KDM2B: variants seen among roughly 807,000 people sequenced by gnomAD.
KDM2B encodes the protein lysine-specific demethylase 2B.
In KDM2B, 26 loss-of-function variants were observed where a neutral mutation model predicts 150.0. The ratio of observed to expected loss-of-function variants is 0.17; its 90% CI spans 0.13 to 0.24. The LOEUF (loss-of-function observed/expected upper bound fraction) is 0.24. Ranked by LOEUF, KDM2B falls within the 10% of genes least tolerant of loss-of-function variation. The pLI is 1.00. For synonymous variants in KDM2B, 734 were observed against 729.5 expected (o/e 1.01, Z -0.10); for missense variants, 1,265 against 1,816.9 (o/e 0.70, Z 5.52).
intron 4 of KDM2B, among the ~76,000 whole-genome samples, chr12:121,571,449 T>C (rs1285757825): frequency 7.0e-6 from 1 of 142,952 alleles, no homozygotes; most frequent in Non-Finnish European, 1.5e-5. Flanking sequence ...CCACCACACG[T>C]GGTGAATTTT....
In KDM2B at chr12:121,442,191, C is replaced by T. The variant is rs782259702; in HGVS notation, c.3250G>A (p.Val1084Met). 9.9e-6 allele frequency: 16 copies of T among 1,613,712 alleles called. No individual in the cohort carries two copies. Among genetic ancestry groups the T allele is most frequent in the Admixed American group, 1.7e-5 (1 of 60,036 alleles). The change falls in exon 19 of 23, where the codon GTG (valine) becomes ATG (methionine). Residue 1084 changes from valine to methionine, a missense_variant. Transcript: ENST00000377071. This position sits in a 1 kb window ranked among gnomAD's most constrained non-coding sequence, Gnocchi z 7.7. ...FSYLSHQDLC[V>M]CMRVCRTWNR... ...CAGGTCCTGCAGACCCGCATGCACA[C>T]ACACAGGTCTTGGTGGCTGAGGTAG...
At chr12:121,422,743 T>C in the KDM2B span, among the ~76,000 whole-genome samples, 8 of 152,330 alleles carry the variant, frequency 5.3e-5, no homozygotes, top group East Asian at 1.5e-3. Flanking sequence ...TTTTAACTTA[T>C]TCATCGTCTT....
chr12:121,580,179 G>A (rs551319111), intron 1 of KDM2B: 8 of 1,518,152 alleles, frequency 5.3e-6, no homozygotes, highest in Non-Finnish European at 7.0e-6. Flanking sequence ...CCAGAGCCGA[G>A]ATCTACAAAG....
chr12:121,520,845 G>A lies in KDM2B; in HGVS notation c.1047+140C>T. The A allele has an allele frequency of 2.6e-6, 1 of 389,526 alleles. No individual in the cohort carries two copies. Among genetic ancestry groups the A allele is most frequent in the East Asian group, 6.8e-5 (1 of 14,636 alleles). The allele number at this position is 389,526 out of a possible 1,614,324, so 24.1% of individuals were successfully genotyped here. ...CCCCCCCTCCCCCGCCACAGAACCAGGACTGAAGCCAGCTTGAGAGAGGAA... is the reference window on the plus strand; with the variant it reads ...CCCCCCCTCCCCCGCCACAGAACCAAGACTGAAGCCAGCTTGAGAGAGGAA... On this transcript the variant is annotated intron_variant, in intron 9 of 22. Transcript: ENST00000377071. This position sits in a 1 kb window ranked among gnomAD's most constrained non-coding sequence, Gnocchi z 4.5.
intron 12 of KDM2B, among the ~76,000 whole-genome samples, chr12:121,481,092 AT>A (rs369369945): frequency 6.0e-5 from 9 of 148,830 alleles, no homozygotes; most frequent in East Asian, 2.0e-4. Context: ...TGCCCAGCTA[AT>A]TTTTTTTTTG....
rs533042197 is a variant in KDM2B at position 121,497,156 on chromosome 12, C to T, written c.1648-2491G>A. On this transcript the variant is annotated intron_variant, in intron 11 of 22. Transcript: ENST00000377071. ...GCTCCAGGGGTTTAAATCCCAGCCC[C>T]GGCACATACAGCTTCCCCAAAGTCC... 3.9e-4 allele frequency among the ~76,000 whole-genome samples: 59 copies of T among 152,200 alleles called. 1 individual carries two copies. The South Asian group carries it at 0.011, about 28-fold the overall frequency.
intron 8 of KDM2B, 137 bp downstream of exon 8, chr12:121,532,669 C>A: frequency 1.2e-6 from 1 of 842,148 alleles, no homozygotes; most frequent in African/African-American, 1.7e-5. Context: ...TTCCCTCCAG[C>A]CCACGGCTGG....
intron 12 of KDM2B, among the ~76,000 whole-genome samples, chr12:121,473,304 ATC>A (rs1880966803): frequency 6.6e-6 from 1 of 151,706 alleles, no homozygotes. Flanking sequence ...AGGCAGTAGA[ATC>A]GCTTGAACCT....
At chr12:121,470,190 T>C (rs1322456517) in intron 12 of KDM2B, 2 of 152,140 alleles carry the variant, frequency 1.3e-5, no homozygotes, top group Non-Finnish European at 2.9e-5. Flanking sequence ...AAAAGAATTA[T>C]CTTGAGGTTG....
chr12:121,534,697 C>A (rs902251641), intron 6 of KDM2B, 107 bp from the exon 7 acceptor site: 2 of 757,966 alleles, frequency 2.6e-6, no homozygotes, highest in Non-Finnish European at 4.4e-6. Context: ...TAAACGCTGA[C>A]GCTGGGGAAT....
intron 11 of KDM2B, among the ~76,000 whole-genome samples, chr12:121,503,127 G>A (rs1293621249): frequency 6.6e-5 from 10 of 151,722 alleles, no homozygotes; most frequent in Admixed American, 1.3e-4. Context: ...ACAGGCGTGC[G>A]CCATCACGCC....
At chr12:121,506,913 G>A (rs1555303027) in intron 11 of KDM2B, among the ~76,000 whole-genome samples, 1 of 151,750 alleles carries the variant, frequency 6.6e-6, no homozygotes, top group African/African-American at 2.4e-5. Context: ...TCCAGCCTGG[G>A]CATCAAGAGT....
intron 8 of KDM2B, among the ~76,000 whole-genome samples, chr12:121,522,219 A>G (rs1886750302): frequency 6.6e-6 from 1 of 152,022 alleles, no homozygotes; most frequent in South Asian, 2.1e-4. Flanking sequence ...CCGAAAAAGT[A>G]TATACTATAT....
At chr12:121,540,711 A>G (rs1309536958) in intron 6 of KDM2B, among the ~76,000 whole-genome samples, 1 of 147,250 alleles carries the variant, frequency 6.8e-6, no homozygotes, top group Non-Finnish European at 1.5e-5. Flanking sequence ...CCGAGATTGC[A>G]TCACCGGCAC....
At chr12:121,555,122 A>T (rs1371837039) in intron 4 of KDM2B, among the ~76,000 whole-genome samples, 1 of 152,190 alleles carries the variant, frequency 6.6e-6, no homozygotes, top group African/African-American at 2.4e-5. Context: ...ACAGTGAGCA[A>T]TGGCTGTGCC....
In KDM2B at chr12:121,439,845, C is replaced by G; in HGVS notation, c.3829+12G>C. On this transcript the variant is annotated intron_variant, in intron 22 of 22. Transcript: ENST00000377071. ...GAGTGTTAGGCAGACCCGATGGGGG[C>G]CCCTGACTCACCAGACAGGTTGATC... 6.2e-7 allele frequency: 1 copy of G among 1,608,748 alleles called. No individual in the cohort carries two copies. Among genetic ancestry groups the G allele is most frequent in the Non-Finnish European group, 8.5e-7 (1 of 1,175,228 alleles).
In KDM2B at chr12:121,569,995, G is replaced by C. The variant is rs777179659; in HGVS notation, c.397+4552C>G. ...CTCCTGAGGAGCTGGGACTACCGAGGCATGCCACCAAGCCCAGCTAATTTT... is the reference window on the plus strand; with the variant it reads ...CTCCTGAGGAGCTGGGACTACCGAGCCATGCCACCAAGCCCAGCTAATTTT... On this transcript the variant is annotated intron_variant, in intron 4 of 22. Transcript: ENST00000377071. Among the ~76,000 whole-genome samples the C allele has an allele frequency of 4.0e-5, 6 of 151,788 alleles. No individual in the cohort carries two copies. In the East Asian group the frequency reaches 9.7e-4, roughly 24 times the overall value.
chr12:121,575,899 C>A lies in KDM2B; in HGVS notation c.272-40G>T, dbSNP rs202196843. The A allele has an allele frequency of 6.7e-7, 1 of 1,486,254 alleles. No homozygotes were observed. The highest frequency in any genetic ancestry group is 1.1e-5 in the South Asian group (1 of 88,538). The allele number at this position is 1,486,254 out of a possible 1,614,324, so 92.1% of individuals were successfully genotyped here. A position where few individuals can be genotyped will look rare whatever the true frequency, so the allele number is the denominator to read the frequency against. On this transcript the variant is annotated intron_variant, in intron 2 of 22. Transcript: ENST00000377071. The surrounding 1 kb of genome is among the most constrained non-coding windows in gnomAD (Gnocchi z 4.4). ...GAATTAAAACAAGTTGGTTAAGTCA[C>A]GAAGGAGCAAATGAACCGGGATCTG...
At chr12:121,554,064 CA>C (rs1889718293) in intron 4 of KDM2B, among the ~76,000 whole-genome samples, 2 of 150,972 alleles carry the variant, frequency 1.3e-5, no homozygotes, top group African/African-American at 2.4e-5. Context: ...CACACACACA[CA>C]CACACACACA....
Sources: allele counts gnomAD v4.1 joint callset (sites outside exome capture counted in the v4.1 genomes callset), GRCh38; gene constraint gnomAD v4.1.1; non-coding constraint Gnocchi (gnomAD v3.1); transcripts MANE v1.5; gene names NCBI Gene and HGNC (gene_info 2026-07-23, HGNC 2026-07-21).